CDH4: variants seen among roughly 807,000 people sequenced by gnomAD.
CDH4 encodes the protein cadherin-4.
CDH4 carries 33 observed loss-of-function variants against 86.0 expected under a neutral mutation model. That is an observed-to-expected ratio of 0.38 (90% CI 0.29 to 0.51). The LOEUF is 0.51. Among genes scored for constraint, CDH4 ranks in the 20% least tolerant of loss-of-function variants. CDH4 has a pLI of 0.86. For missense variants in CDH4, 1,114 were observed against 1,307.4 expected, an observed-to-expected ratio of 0.85 and a Z score of 2.28; for synonymous variants, 555 against 549.4, an observed-to-expected ratio of 1.01 and a Z score of -0.14.
intron 2 of CDH4, among the ~76,000 whole-genome samples, chr20:61,426,288 C>T (rs2085214895): frequency 6.6e-6 from 1 of 152,090 alleles, no homozygotes. Context: ...AACACTCTGG[C>T]TTAATATATT....
chr20:61,709,664 G>C lies in CDH4; in HGVS notation c.170-33899G>C, dbSNP rs1371724208. On this transcript the variant is annotated intron_variant, in intron 2 of 15. Coordinates refer to ENST00000614565, the MANE Select transcript of CDH4 (RefSeq NM_001794.5). This position sits in a 1 kb window ranked among gnomAD's most constrained non-coding sequence, Gnocchi z 4.8. ...GGCAGAGAAGGTAGCATGGTTTCCAGAGTAAAGGAGGGCAAATGGCACCCA... is the reference window on the plus strand; with the variant it reads ...GGCAGAGAAGGTAGCATGGTTTCCACAGTAAAGGAGGGCAAATGGCACCCA... Among the ~76,000 whole-genome samples, 1 of 152,000 alleles carries C rather than the reference G, an allele frequency of 6.6e-6. No homozygotes were observed. Among genetic ancestry groups the C allele is most frequent in the Non-Finnish European group, 1.5e-5 (1 of 68,024 alleles).
intron 2 of CDH4, among the ~76,000 whole-genome samples, chr20:61,384,380 A>T (rs6121663): frequency 0.25 from 37,445 of 152,044 alleles, 5,001 homozygotes; most frequent in African/African-American, 0.34. Context: ...ACTAGCACCA[A>T]TGGGGGTGCT....
intron 2 of CDH4, among the ~76,000 whole-genome samples, chr20:61,630,829 C>T (rs1387038973): frequency 2.0e-5 from 3 of 152,208 alleles, no homozygotes; most frequent in African/African-American, 7.2e-5. Context: ...TCACCAAACC[C>T]GTCCAGAGCC....
chr20:61,604,049 A>G (rs1453134430), intron 2 of CDH4, among the ~76,000 whole-genome samples: 1 of 152,266 alleles, frequency 6.6e-6, no homozygotes, highest in East Asian at 1.9e-4. Flanking sequence ...CCCCGTGGCC[A>G]GCTCCCTGCC....
At chr20:61,711,371 T>C (rs2087891168) in intron 2 of CDH4, among the ~76,000 whole-genome samples, 1 of 152,202 alleles carries the variant, frequency 6.6e-6, no homozygotes. Flanking sequence ...CATATAGCGA[T>C]GTGAGAATGG....
intron 4 of CDH4, among the ~76,000 whole-genome samples, chr20:61,780,420 T>C (rs1422767534): frequency 1.3e-5 from 2 of 152,192 alleles, no homozygotes; most frequent in Non-Finnish European, 2.9e-5. Context: ...TTTTTGACAC[T>C]GTTTCGTCGG....
At chr20:61,776,939 C>G (rs573405926) in intron 4 of CDH4, among the ~76,000 whole-genome samples, 1 of 152,294 alleles carries the variant, frequency 6.6e-6, no homozygotes, top group East Asian at 1.9e-4. Flanking sequence ...TGGTCTCTGT[C>G]GAAGCAGGTT....
intron 2 of CDH4, among the ~76,000 whole-genome samples, chr20:61,330,581 G>A (rs997900088): frequency 6.6e-6 from 1 of 152,192 alleles, no homozygotes; most frequent in Non-Finnish European, 1.5e-5. Context: ...AAAAGTATCC[G>A]CATGTCCTGA....
chr20:61,461,094 C>G (rs895655889), intron 2 of CDH4, among the ~76,000 whole-genome samples: 1 of 152,106 alleles, frequency 6.6e-6, no homozygotes, highest in African/African-American at 2.4e-5. Context: ...AAACACTGAT[C>G]TAAATTTGAA....
Position 61,924,472 on chromosome 20 carries a change from C to T in CDH4, c.1767C>T (p.Asp589=). 6.2e-7 allele frequency: 1 copy of T among 1,613,036 alleles called. No individual in the cohort carries two copies. Among genetic ancestry groups the T allele is most frequent in the Non-Finnish European group, 8.5e-7 (1 of 1,179,604 alleles). ...NVYEATFLAA[D]NGIPPASGTG... is the part of the protein sequence containing the mutation. ...ACGAGGCCACCTTCCTGGCAGCTGA[C>T]AATGGTGCGGCCCACCCCAGGGAGG... The change falls in exon 11 of 16, where the codon GAC becomes GAT. Residue 589 remains aspartate, a synonymous_variant. Coordinates refer to ENST00000614565, the MANE Select transcript of CDH4 (RefSeq NM_001794.5).
chr20:61,564,868 C>T (rs756252416), intron 2 of CDH4, among the ~76,000 whole-genome samples: 36 of 152,052 alleles, frequency 2.4e-4, no homozygotes, highest in African/African-American at 5.8e-4. Context: ...GGGGGAGATG[C>T]GGGAGCATAG....
At chr20:61,604,619 C>T (rs1428131271) in intron 2 of CDH4, among the ~76,000 whole-genome samples, 1 of 152,140 alleles carries the variant, frequency 6.6e-6, no homozygotes, top group East Asian at 1.9e-4. Context: ...TGGGAGGTGT[C>T]TCGGTGTTTG....
At chr20:61,563,883 G>C (rs370989143) in intron 2 of CDH4, among the ~76,000 whole-genome samples, 1 of 152,188 alleles carries the variant, frequency 6.6e-6, no homozygotes, top group East Asian at 1.9e-4. Context: ...TGTATTAACA[G>C]GTGATGCGTG....
chr20:61,354,250 G>A (rs983983667), intron 2 of CDH4, among the ~76,000 whole-genome samples: 4 of 152,026 alleles, frequency 2.6e-5, no homozygotes, highest in African/African-American at 7.2e-5. Flanking sequence ...AATGTCTCCC[G>A]GCAGCACGTG....
At chr20:61,318,397 A>G (rs1410784357) in intron 2 of CDH4, among the ~76,000 whole-genome samples, 2 of 151,748 alleles carry the variant, frequency 1.3e-5, no homozygotes, top group Non-Finnish European at 2.9e-5. Flanking sequence ...GCTTTGAATG[A>G]TTCAAAAACC....
intron 2 of CDH4, among the ~76,000 whole-genome samples, chr20:61,581,184 G>A (rs549650765): frequency 1.2e-4 from 18 of 152,304 alleles, no homozygotes; most frequent in Admixed American, 9.1e-4. Flanking sequence ...GGGACCAGTG[G>A]GATGTACTTG....
chr20:61,611,349 C>T (rs1211848148), intron 2 of CDH4, among the ~76,000 whole-genome samples: 2 of 152,056 alleles, frequency 1.3e-5, no homozygotes, highest in Non-Finnish European at 2.9e-5. Flanking sequence ...AGCATAGAGA[C>T]GCTCCTAACA....
At chr20:61,438,041 A>G (rs897793021) in intron 2 of CDH4, among the ~76,000 whole-genome samples, 25 of 152,194 alleles carry the variant, frequency 1.6e-4, no homozygotes, top group African/African-American at 1.9e-4. Flanking sequence ...CCAGACTCCA[A>G]CAACGTTTTA....
chr20:61,826,458 C>CT (rs1318282163), intron 4 of CDH4, among the ~76,000 whole-genome samples: 2 of 152,248 alleles, frequency 1.3e-5, no homozygotes, highest in Non-Finnish European at 2.9e-5. Context: ...GAAGGCCTTG[C>CT]TGATGCCCTT....
Sources: gnomAD v4.1 joint callset for allele counts (sites outside exome capture counted in the v4.1 genomes callset) on GRCh38, gnomAD v4.1.1 for gene constraint, Gnocchi (gnomAD v3.1) non-coding constraint, MANE v1.5 for transcripts, NCBI Gene and HGNC (gene_info 2026-07-23, HGNC 2026-07-21) for gene names.